FSIP1: variants seen among roughly 807,000 people sequenced by gnomAD.
The protein encoded by FSIP1 is fibrous sheath-interacting protein 1.
FSIP1 carries 65 observed loss-of-function variants against 60.9 expected under a neutral mutation model. The ratio of observed to expected loss-of-function variants is 1.07; its 90% confidence interval spans 0.87 to 1.31. The LOEUF (loss-of-function observed/expected upper bound fraction) is 1.31, where lower values mean the gene tolerates loss of function less well. FSIP1 is among the 40% of genes most tolerant of loss of function. The pLI is 0.00. For missense variants in FSIP1, 675 were observed against 665.5 expected (o/e 1.01, Z -0.16); for synonymous variants, 209 against 221.2 (o/e 0.94, Z 0.49).
chr15:39,782,789 C>CAGATCCCTCCTGCCT lies in FSIP1; in HGVS notation c.-184_-170dup, dbSNP rs1326921123. On this transcript the variant is annotated 5_prime_UTR_variant, in exon 1 of 12. Transcript: ENST00000350221. ...CTGGTAGTGGAAGAAGCCGCCGGTC[C>CAGATCCCTCCTGCCT]AGATCCCTCCTGCCTGTGGGACCGC... 8.5e-5 allele frequency: 13 copies of CAGATCCCTCCTGCCT among 152,752 alleles called. No individual in the cohort carries two copies. The East Asian group carries it at 2.5e-3, about 29-fold the overall frequency. 9.5% of individuals were successfully genotyped at this position (152,752 alleles called of 1,614,324 possible).
intron 11 of FSIP1, among the ~76,000 whole-genome samples, chr15:39,611,872 T>A (rs950440352): frequency 1.3e-5 from 2 of 152,164 alleles, no homozygotes; most frequent in African/African-American, 4.8e-5. Context: ...TTAGCTATAC[T>A]TATATCAGAC....
At chr15:39,772,496 T>C (rs1178612014) in intron 2 of FSIP1, among the ~76,000 whole-genome samples, 21 of 151,676 alleles carry the variant, frequency 1.4e-4, no homozygotes, top group Admixed American at 1.3e-3. Flanking sequence ...GATTTCACCA[T>C]ATTGCCTAGG....
At chr15:39,726,770 A>G (rs754985250) in intron 8 of FSIP1, 23 bp from the exon 9 acceptor site, 2 of 1,609,248 alleles carry the variant, frequency 1.2e-6, no homozygotes, top group Non-Finnish European at 1.7e-6. Context: ...AAGGGTCACC[A>G]GGTCATTCTC....
At position 39,694,833 on chromosome 15, in the gene FSIP1, T is replaced by C. The variant is rs114135373; in HGVS notation, c.1188+18611A>G. Reference sequence around the variant, plus strand: ...AATAAAATAAAAAATAAAAAAAAGATATATATATATAAAGACTCATTTTTA... The same window carrying C: ...AATAAAATAAAAAATAAAAAAAAGACATATATATATAAAGACTCATTTTTA... On this transcript the variant is annotated intron_variant, in intron 10 of 11. Transcript: ENST00000350221. 4.8e-3 allele frequency among the ~76,000 whole-genome samples: 726 copies of C among 151,734 alleles called. 12 individuals carry two copies. Among genetic ancestry groups the C allele is most frequent in the African/African-American group, 0.016 (682 of 41,450 alleles).
intron 5 of FSIP1, among the ~76,000 whole-genome samples, chr15:39,752,206 C>G (rs1897184303): frequency 6.6e-6 from 1 of 151,894 alleles, no homozygotes; most frequent in Non-Finnish European, 1.5e-5. Flanking sequence ...AAGAGTATTT[C>G]CTAGGTTTTC....
intron 10 of FSIP1, among the ~76,000 whole-genome samples, chr15:39,689,433 T>A (rs1392470059): frequency 6.6e-6 from 1 of 152,208 alleles, no homozygotes; most frequent in Non-Finnish European, 1.5e-5. Context: ...TCCAACCTTC[T>A]AATCATGCTC....
At chr15:39,606,924 A>T (rs568186465) in intron 11 of FSIP1, among the ~76,000 whole-genome samples, 4 of 152,356 alleles carry the variant, frequency 2.6e-5, no homozygotes, top group Non-Finnish European at 5.9e-5. Context: ...TTGATTAAAT[A>T]CTAGACTAAC....
Position 39,687,136 on chromosome 15 carries a change from C to CTTTTTTTTTTTTTTTTTTTTTTTTTT in FSIP1, c.1188+26307_1188+26308insAAAAAAAAAAAAAAAAAAAAAAAAAA, listed in dbSNP as rs1491090328. On this transcript the variant is annotated intron_variant, in intron 10 of 11. Coordinates refer to ENST00000350221, the MANE Select transcript of FSIP1 (RefSeq NM_152597.5). Reference sequence around the variant, plus strand: ...CACCTTTCTTTCTTTCTTTTCTTTTCCTTTTTTTTTTTTTTTTTTTTTTTT... The same window carrying CTTTTTTTTTTTTTTTTTTTTTTTTTT: ...CACCTTTCTTTCTTTCTTTTCTTTTCTTTTTTTTTTTTTTTTTTTTTTTTTTCTTTTTTTTTTTTTTTTTTTTTTTT... Among the ~76,000 whole-genome samples, 27 of 47,706 alleles carry CTTTTTTTTTTTTTTTTTTTTTTTTTT rather than the reference C, an allele frequency of 5.7e-4. 10 individuals carry two copies. Among genetic ancestry groups the CTTTTTTTTTTTTTTTTTTTTTTTTTT allele is most frequent in the African/African-American group, 1.0e-3 (12 of 11,502 alleles). The allele number at this position is 47,706 out of a possible 152,430, so 31.3% of individuals were successfully genotyped here. A position where few individuals can be genotyped will look rare whatever the true frequency, so the allele number is the denominator to read the frequency against.
At chr15:39,638,756 G>A (rs1892234788) in intron 10 of FSIP1, among the ~76,000 whole-genome samples, 1 of 152,040 alleles carries the variant, frequency 6.6e-6, no homozygotes, top group Non-Finnish European at 1.5e-5. Context: ...GGCAAACAGG[G>A]AACCAAAGAG....
intron 5 of FSIP1, among the ~76,000 whole-genome samples, chr15:39,753,339 C>T (rs1243804035): frequency 6.6e-6 from 1 of 152,058 alleles, no homozygotes; most frequent in African/African-American, 2.4e-5. Flanking sequence ...ATGAAGTTCA[C>T]ACAGCCTGAC....
At chr15:39,707,723 T>C (rs1895334140) in intron 10 of FSIP1, among the ~76,000 whole-genome samples, 1 of 152,198 alleles carries the variant, frequency 6.6e-6, no homozygotes, top group Non-Finnish European at 1.5e-5. Flanking sequence ...GTTACAGTAA[T>C]TGTAATTATC....
chr15:39,768,707 C>T (rs563585570), intron 3 of FSIP1, among the ~76,000 whole-genome samples: 2 of 152,328 alleles, frequency 1.3e-5, no homozygotes, highest in African/African-American at 2.4e-5. Context: ...ACTTAATAGC[C>T]TATTCAGATA....
intron 5 of FSIP1, among the ~76,000 whole-genome samples, chr15:39,763,065 T>C (rs1897559322): frequency 6.6e-6 from 1 of 152,164 alleles, no homozygotes; most frequent in Non-Finnish European, 1.5e-5. Flanking sequence ...ATATTAATAG[T>C]GGTTATCTCT....
chr15:39,626,309 G>A (rs1380277137), intron 10 of FSIP1, among the ~76,000 whole-genome samples: 1 of 152,164 alleles, frequency 6.6e-6, no homozygotes, highest in Non-Finnish European at 1.5e-5. Context: ...TGTTGAGCTG[G>A]CCTGAAGATG....
intron 10 of FSIP1, among the ~76,000 whole-genome samples, chr15:39,701,650 C>A (rs1208838404): frequency 6.6e-6 from 1 of 152,230 alleles, no homozygotes; most frequent in Non-Finnish European, 1.5e-5. Context: ...TATCTGGTTT[C>A]ATTTCAAATC....
At chr15:39,777,054 G>A (rs1029362172) in intron 1 of FSIP1, among the ~76,000 whole-genome samples, 4 of 151,028 alleles carry the variant, frequency 2.6e-5, no homozygotes, top group Admixed American at 6.6e-5. Context: ...AGCCTCCCAA[G>A]TAGCTGGGAT....
rs1566854094 is a variant in FSIP1, at chr15:39,618,093, G to A, written c.1341C>T (p.Ser447=). ...VTPVFPQLSR[S]IISKLLNESE... The stretch of plus-strand genomic sequence containing the variant: ...ATTCATTTAGCAATTTAGAGATGAT[G>A]GACCTGGAAAGCTGGGGGAACACAG... The change falls in exon 11 of 12, where the codon TCC becomes TCT. Residue 447 remains serine, a synonymous_variant. Coordinates refer to ENST00000350221, the MANE Select transcript of FSIP1 (RefSeq NM_152597.5). 2 of 1,614,020 alleles carry A rather than the reference G, an allele frequency of 1.2e-6. No individual in the cohort carries two copies. Among genetic ancestry groups the A allele is most frequent in the Non-Finnish European group, 1.7e-6 (2 of 1,180,028 alleles).
intron 10 of FSIP1, among the ~76,000 whole-genome samples, chr15:39,626,843 G>T (rs576404798): frequency 6.6e-6 from 1 of 152,124 alleles, no homozygotes; most frequent in Non-Finnish European, 1.5e-5. Flanking sequence ...AGTTAGACAA[G>T]GCTTCAGGTA....
At chr15:39,620,755 C>CT (rs1891410622) in intron 10 of FSIP1, among the ~76,000 whole-genome samples, 1 of 138,364 alleles carries the variant, frequency 7.2e-6, no homozygotes, top group Non-Finnish European at 1.6e-5. Context: ...CCACACCTGG[C>CT]TAATATATAT....
Sources: gnomAD v4.1 joint callset for allele counts (sites outside exome capture counted in the v4.1 genomes callset) on GRCh38, gnomAD v4.1.1 for gene constraint, MANE v1.5 for transcripts, NCBI Gene and HGNC (gene_info 2026-07-23, HGNC 2026-07-21) for gene names.